SMC1B: variants seen among roughly 807,000 people sequenced by gnomAD.
SMC1B encodes structural maintenance of chromosomes 1B.
In SMC1B, 60 loss-of-function variants were observed where a neutral mutation model predicts 157.9. The ratio of observed to expected loss-of-function variants is 0.38; its 90% CI spans 0.31 to 0.47. The LOEUF is 0.47. Ranked by LOEUF, SMC1B falls within the 20% of genes least tolerant of loss-of-function variation. The pLI, the probability that SMC1B is intolerant of heterozygous loss-of-function variation, is 0.99. For missense variants in SMC1B, 1,165 were observed against 1,426.2 expected, an observed-to-expected ratio of 0.82 and a Z score of 2.95; for synonymous variants, 445 against 483.0, an observed-to-expected ratio of 0.92 and a Z score of 1.03.
intron 18 of SMC1B, among the ~76,000 whole-genome samples, 165 bp downstream of exon 18, chr22:45,359,640 C>T (rs947866026): frequency 2.0e-5 from 3 of 152,282 alleles, no homozygotes; most frequent in East Asian, 3.9e-4. Context: ...GGGTTCATCC[C>T]GTGGCCCTAG....
chr22:45,365,764 A>C (rs2086769898), intron 15 of SMC1B, among the ~76,000 whole-genome samples: 1 of 152,304 alleles, frequency 6.6e-6, no homozygotes, highest in African/African-American at 2.4e-5. Context: ...CCAACTAGCA[A>C]AAGCATCATA....
chr22:45,390,598 G>A (rs903602662), intron 9 of SMC1B, among the ~76,000 whole-genome samples: 8 of 152,098 alleles, frequency 5.3e-5, no homozygotes, highest in Admixed American at 2.6e-4. Context: ...CCAGCTGCTC[G>A]GGAGGCTGAG....
intron 15 of SMC1B, among the ~76,000 whole-genome samples, chr22:45,364,252 T>C (rs1023972993): frequency 2.6e-5 from 4 of 152,176 alleles, no homozygotes. Flanking sequence ...CTGTAGCTCA[T>C]CCTTTCCATG....
intron 1 of SMC1B, among the ~76,000 whole-genome samples, chr22:45,413,129 G>A (rs558946464): frequency 1.9e-4 from 29 of 152,106 alleles, no homozygotes; most frequent in African/African-American, 5.8e-4. Flanking sequence ...GGTCCCTCAG[G>A]GTGTCGGAGG....
At chr22:45,372,098 C>A in intron 13 of SMC1B, 57 bp downstream of exon 13, 1 of 1,439,900 alleles carries the variant, frequency 6.9e-7, no homozygotes, top group Non-Finnish European at 9.3e-7. Context: ...AATGTAATTC[C>A]TGAAATTCTA....
intron 12 of SMC1B, among the ~76,000 whole-genome samples, chr22:45,374,163 T>C (rs959987979): frequency 6.8e-6 from 1 of 147,998 alleles, no homozygotes; most frequent in African/African-American, 2.5e-5. Context: ...GAATCTTGTG[T>C]AGTAAATTTA....
chr22:45,398,167 C>A (rs2087147968), intron 6 of SMC1B, among the ~76,000 whole-genome samples: 1 of 152,204 alleles, frequency 6.6e-6, no homozygotes, highest in Non-Finnish European at 1.5e-5. Flanking sequence ...CACTGTAACA[C>A]CCCCTCTGGG....
chr22:45,397,396 A>C (rs923686289), intron 6 of SMC1B, among the ~76,000 whole-genome samples: 7 of 152,192 alleles, frequency 4.6e-5, no homozygotes, highest in African/African-American at 1.7e-4. Context: ...ATGCGCCTGT[A>C]GACGGGAGGA....
intron 12 of SMC1B, among the ~76,000 whole-genome samples, chr22:45,375,863 T>C (rs1311796325): frequency 6.6e-6 from 1 of 152,178 alleles, no homozygotes; most frequent in African/African-American, 2.4e-5. Flanking sequence ...TTTATACTCA[T>C]AAGGGAAGTC....
intron 7 of SMC1B, among the ~76,000 whole-genome samples, chr22:45,396,059 G>T (rs1167398811): frequency 6.6e-6 from 1 of 152,158 alleles, no homozygotes; most frequent in East Asian, 1.9e-4. Context: ...ATAAATCAGT[G>T]TATAATTTTA....
At chr22:45,352,109 G>A (rs566867523) in intron 22 of SMC1B, among the ~76,000 whole-genome samples, 1 of 152,130 alleles carries the variant, frequency 6.6e-6, no homozygotes, top group South Asian at 2.1e-4. Context: ...CTAACTAGCT[G>A]GGCATGGTAG....
intron 1 of SMC1B, among the ~76,000 whole-genome samples, chr22:45,409,527 T>C (rs1457559748): frequency 1.3e-5 from 2 of 151,700 alleles, no homozygotes; most frequent in Non-Finnish European, 2.9e-5. Flanking sequence ...ATTGCACCAC[T>C]GCACTCCAGC....
chr22:45,358,016 C>T (rs908404583), intron 19 of SMC1B, among the ~76,000 whole-genome samples: 18 of 152,126 alleles, frequency 1.2e-4, no homozygotes, highest in Admixed American at 2.0e-4. Flanking sequence ...CACCAATTGC[C>T]CATGATTTAT....
chr22:45,375,005 A>C (rs973390154), intron 12 of SMC1B, among the ~76,000 whole-genome samples: 1 of 152,194 alleles, frequency 6.6e-6, no homozygotes. Flanking sequence ...TTTAAAAAGA[A>C]AAGGGGGGAA....
chr22:45,403,931 T>TTTTG lies in SMC1B; in HGVS notation c.616-1364_616-1361dup, dbSNP rs560579074. On this transcript the variant is annotated intron_variant, in intron 4 of 24. Coordinates refer to ENST00000357450, the MANE Select transcript of SMC1B (RefSeq NM_148674.5). ...CTACAAAGTTTCATCAGAGGGTGTT[T>TTTTG]TTTGTTTGTTTGTTTGTTTGTTTGT... Among the ~76,000 whole-genome samples the TTTTG allele has an allele frequency of 9.7e-3, 1,477 of 151,916 alleles. 22 individuals carry two copies. The highest frequency in any genetic ancestry group is 0.032 in the African/African-American group (1,336 of 41,380).
chr22:45,363,500 G>A (rs558335155), intron 15 of SMC1B, among the ~76,000 whole-genome samples: 1 of 152,146 alleles, frequency 6.6e-6, no homozygotes, highest in South Asian at 2.1e-4. Context: ...GGCCAACATG[G>A]TGAAACCCCA....
intron 22 of SMC1B, among the ~76,000 whole-genome samples, chr22:45,350,428 C>T (rs2086601710): frequency 6.6e-6 from 1 of 152,300 alleles, no homozygotes; most frequent in Non-Finnish European, 1.5e-5. Context: ...CAGGCGTGCG[C>T]CACTATGCCC....
At chr22:45,384,900 T>C (rs136586) in intron 11 of SMC1B, among the ~76,000 whole-genome samples, 94,613 of 151,988 alleles carry the variant, frequency 0.62, 31,958 homozygotes, top group African/African-American at 0.89. Context: ...ACTTTATTCA[T>C]TATTGTTTAA....
At chr22:45,381,268 A>G (rs1471192663) in intron 12 of SMC1B, among the ~76,000 whole-genome samples, 1 of 152,090 alleles carries the variant, frequency 6.6e-6, no homozygotes, top group Non-Finnish European at 1.5e-5. Flanking sequence ...ACTGAGGATC[A>G]TGTCTGAGTA....
Sources: allele counts gnomAD v4.1 joint callset (sites outside exome capture counted in the v4.1 genomes callset), GRCh38; gene constraint gnomAD v4.1.1; transcripts MANE v1.5; gene names NCBI Gene and HGNC (gene_info 2026-07-23, HGNC 2026-07-21).